The following FHIT variants were observed in gnomAD, a reference collection of about 807,000 sequenced individuals.
FHIT encodes the protein fragile histidine triad diadenosine triphosphatase.
In FHIT, 19 loss-of-function variants were observed where a neutral mutation model predicts 17.9. The observed-to-expected ratio is 1.06, with a 90% CI of 0.74 to 1.56. FHIT has a LOEUF of 1.56. Ranked by LOEUF, FHIT falls within the 40% of genes most tolerant of loss-of-function variation. The probability of loss-of-function intolerance (pLI) is 0.00; values close to 1 mark genes in which losing one functional copy is unlikely to be tolerated. For synonymous variants in FHIT, 81 were observed against 69.7 expected (o/e 1.16, Z -0.81); for missense variants, 248 against 189.2 (o/e 1.31, Z -1.82).
chr3:60,507,989 T>C (rs1160689249), intron 5 of FHIT, among the ~76,000 whole-genome samples: 1 of 152,212 alleles, frequency 6.6e-6, no homozygotes, highest in Non-Finnish European at 1.5e-5. Context: ...AACATATGCA[T>C]GCATGTGTCT....
intron 8 of FHIT, among the ~76,000 whole-genome samples, chr3:59,901,996 T>C (rs999062237): frequency 1.3e-5 from 2 of 152,078 alleles, no homozygotes; most frequent in East Asian, 1.9e-4. Context: ...ACAAGCAACA[T>C]AGTGAAGAGA....
chr3:59,783,009 T>G (rs1313193132), intron 8 of FHIT, among the ~76,000 whole-genome samples: 1 of 152,088 alleles, frequency 6.6e-6, no homozygotes, highest in East Asian at 1.9e-4. Flanking sequence ...AAGTCTCTGC[T>G]ATTTAGCAAA....
rs1425030866 is a variant in FHIT, at chr3:59,986,548, CACACACACACACACACACACATATAT to C, written c.279+24797_279+24822del. On this transcript the variant is annotated intron_variant, in intron 7 of 9. Coordinates refer to ENST00000492590, the MANE Select transcript of FHIT (RefSeq NM_002012.4). Reference sequence around the variant, plus strand: ...ATATATATATATATATATACACACACACACACACACACACACACACATATATACACACACACACACACACACACATA... The same window carrying C: ...ATATATATATATATATATACACACACACACACACACACACACACACACATA... Among the ~76,000 whole-genome samples, 2 of 34,528 alleles carry C rather than the reference CACACACACACACACACACACATATAT, an allele frequency of 5.8e-5. 1 individual carries two copies. The highest frequency in any genetic ancestry group is 4.0e-4 in the African/African-American group (2 of 4,982). 22.7% of individuals were successfully genotyped at this position (34,528 alleles called of 152,430 possible).
intron 3 of FHIT, among the ~76,000 whole-genome samples, chr3:60,860,265 A>ATACATGAGATACATCATATGTC (rs1703623424): frequency 1.4e-5 from 2 of 145,932 alleles, no homozygotes; most frequent in African/African-American, 2.5e-5. Flanking sequence ...CATCATATGT[A>ATACATGAGATACATCATATGTC]TACATGAGAT....
At chr3:61,115,458 G>A (rs1205630510) in intron 2 of FHIT, among the ~76,000 whole-genome samples, 1 of 152,114 alleles carries the variant, frequency 6.6e-6, no homozygotes, top group Non-Finnish European at 1.5e-5. Flanking sequence ...CCAGTGGGAG[G>A]AAGGGGAGGA....
intron 4 of FHIT, among the ~76,000 whole-genome samples, chr3:60,628,262 AAT>A (rs1470917261): frequency 1.3e-5 from 2 of 152,196 alleles, no homozygotes; most frequent in African/African-American, 4.8e-5. Context: ...AGTTTCCAAA[AAT>A]ATGTTAGATT....
chr3:60,021,900 C>A (rs1446447276), intron 5 of FHIT, among the ~76,000 whole-genome samples: 2 of 152,128 alleles, frequency 1.3e-5, no homozygotes, highest in Non-Finnish European at 2.9e-5. Flanking sequence ...AGAAAAAAAA[C>A]TGTGCGGTCA....
intron 3 of FHIT, among the ~76,000 whole-genome samples, chr3:60,832,568 G>C (rs1413057412): frequency 2.0e-5 from 3 of 151,884 alleles, no homozygotes; most frequent in South Asian, 4.2e-4. Context: ...AATTTCAATA[G>C]AAACCAGCAA....
At chr3:59,799,997 G>A (rs72886685) in intron 8 of FHIT, among the ~76,000 whole-genome samples, 3,351 of 152,200 alleles carry the variant, frequency 0.022, 132 homozygotes, top group African/African-American at 0.076. Flanking sequence ...TAGTCTATTC[G>A]ACAAGAGCAG....
At chr3:59,774,008 T>C (rs1263408152) in intron 8 of FHIT, among the ~76,000 whole-genome samples, 1 of 152,236 alleles carries the variant, frequency 6.6e-6, no homozygotes, top group Non-Finnish European at 1.5e-5. Flanking sequence ...AATAAAATAT[T>C]ACAATTAATT....
intron 2 of FHIT, among the ~76,000 whole-genome samples, chr3:61,045,313 C>G (rs1027360475): frequency 1.3e-5 from 2 of 151,310 alleles, no homozygotes; most frequent in African/African-American, 4.8e-5. Context: ...GGAAAACAAA[C>G]AAACAAAAAA....
intron 5 of FHIT, among the ~76,000 whole-genome samples, chr3:60,050,377 T>C (rs971874553): frequency 6.6e-6 from 1 of 152,152 alleles, no homozygotes; most frequent in Non-Finnish European, 1.5e-5. Context: ...TCTTTTCTAC[T>C]CTTGGTTTAT....
chr3:61,198,541 G>GT (rs879488249), intron 2 of FHIT, among the ~76,000 whole-genome samples: 2 of 151,754 alleles, frequency 1.3e-5, no homozygotes, highest in Admixed American at 1.3e-4. Context: ...TGGTGGGGGG[G>GT]TTCCCTCTAT....
intron 5 of FHIT, among the ~76,000 whole-genome samples, chr3:60,057,005 G>C (rs1277068238): frequency 6.6e-6 from 1 of 152,038 alleles, no homozygotes; most frequent in Non-Finnish European, 1.5e-5. Context: ...CTGGGAACTT[G>C]GGATGCTTTT....
chr3:60,067,352 GAATA>G (rs201277486), intron 5 of FHIT, among the ~76,000 whole-genome samples: 39 of 139,902 alleles, frequency 2.8e-4, no homozygotes, highest in Admixed American at 6.3e-4. Flanking sequence ...ATGAATGAAT[GAATA>G]AGCACACATA....
At chr3:60,366,221 G>T (rs993805059) in intron 5 of FHIT, among the ~76,000 whole-genome samples, 1 of 152,116 alleles carries the variant, frequency 6.6e-6, no homozygotes, top group African/African-American at 2.4e-5. Context: ...TGTCACCCAG[G>T]CTGGAGTGCA....
intron 5 of FHIT, among the ~76,000 whole-genome samples, chr3:60,270,543 T>G (rs775262207): frequency 6.6e-6 from 1 of 152,222 alleles, no homozygotes; most frequent in South Asian, 2.1e-4. Context: ...GCACTTGGAC[T>G]ATAAATTATC....
At chr3:59,885,246 A>C (rs139398554) in intron 8 of FHIT, among the ~76,000 whole-genome samples, 151 of 152,312 alleles carry the variant, frequency 9.9e-4, no homozygotes, top group Non-Finnish European at 1.4e-3. Flanking sequence ...ACTGGAGATC[A>C]CAGCTTCATC....
intron 5 of FHIT, among the ~76,000 whole-genome samples, chr3:60,457,933 A>G (rs1000788954): frequency 2.0e-5 from 3 of 152,168 alleles, no homozygotes; most frequent in Non-Finnish European, 4.4e-5. Flanking sequence ...TCAGGAAACA[A>G]CAGGTGCTGG....
Sources: gnomAD v4.1 joint callset for allele counts (sites outside exome capture counted in the v4.1 genomes callset) on GRCh38, gnomAD v4.1.1 for gene constraint, MANE v1.5 for transcripts, NCBI Gene and HGNC (gene_info 2026-07-23, HGNC 2026-07-21) for gene names.